DRAXIN: variants seen among roughly 807,000 people sequenced by gnomAD.
DRAXIN encodes the protein dorsal inhibitory axon guidance protein.
Under a neutral mutation model 33.9 loss-of-function variants are expected in DRAXIN, and 27 were observed. The ratio of observed to expected loss-of-function variants is 0.80; its 90% CI spans 0.59 to 1.10. The LOEUF (loss-of-function observed/expected upper bound fraction) is 1.10. Among genes scored for constraint, DRAXIN ranks in the 50% least tolerant of loss-of-function variants. DRAXIN has a pLI of 0.00. For missense variants in DRAXIN, 371 were observed against 460.8 expected (o/e 0.81, Z 1.78); for synonymous variants, 178 against 194.0 (o/e 0.92, Z 0.69).
At position 11,718,927 on chromosome 1, in the gene DRAXIN, G is replaced by A. The variant is rs145931834; in HGVS notation, c.938-657G>A. On this transcript the variant is annotated intron_variant, in intron 6 of 6. Transcript: ENST00000294485. ...TTGTTTGTTTGTTTTCTGAGAGGGA[G>A]TCTAGCTCTGTCGCCCCAGCTGGAG... Among the ~76,000 whole-genome samples, 482 of 152,086 alleles carry A rather than the reference G, an allele frequency of 3.2e-3. 4 individuals are homozygous for A. Among genetic ancestry groups the A allele is most frequent in the African/African-American group, 0.011 (462 of 41,376 alleles).
At chr1:11,695,299 C>T (rs1641173385) in intron 1 of DRAXIN, among the ~76,000 whole-genome samples, 1 of 152,156 alleles carries the variant, frequency 6.6e-6, no homozygotes, top group Non-Finnish European at 1.5e-5. Flanking sequence ...CCACTTCAGG[C>T]CAGGTGCAGT....
chr1:11,715,310 T>C, intron 6 of DRAXIN, 102 bp downstream of exon 6: 2 of 1,413,616 alleles, frequency 1.4e-6, no homozygotes, highest in South Asian at 2.4e-5. Context: ...CAAGCTTTCC[T>C]GGCAGAGGGT....
chr1:11,711,779 G>T, intron 3 of DRAXIN, 72 bp from the exon 4 acceptor site: 2 of 1,425,538 alleles, frequency 1.4e-6, no homozygotes, highest in South Asian at 1.2e-5. Context: ...TTTGTCCTCT[G>T]ACCTTGGGAC....
rs189427193 is a variant in DRAXIN, at chr1:11,704,303, C to A, written c.-10-1946C>A. ...TCGGACATGGACGGGATCCCATATG[C>A]GCTTGGCCTTTCCAGTCACAAGGAG... On this transcript the variant is annotated intron_variant, in intron 1 of 6. Transcript: ENST00000294485. The surrounding 1 kb of genome is among the most constrained non-coding windows in gnomAD (Gnocchi z 4.6). Among the ~76,000 whole-genome samples the A allele has an allele frequency of 6.6e-6, 1 of 152,308 alleles. No homozygotes were observed. Among genetic ancestry groups the A allele is most frequent in the Non-Finnish European group, 1.5e-5 (1 of 68,034 alleles).
intron 1 of DRAXIN, among the ~76,000 whole-genome samples, chr1:11,700,969 T>A (rs1328731885): frequency 6.6e-6 from 1 of 152,066 alleles, no homozygotes; most frequent in Non-Finnish European, 1.5e-5. Flanking sequence ...GGCCCCCAAA[T>A]GCAAGGCTGT....
At chr1:11,702,747 C>CTTTTTTTTTTTTTTTTT (rs33972819) in intron 1 of DRAXIN, among the ~76,000 whole-genome samples, 3 of 145,550 alleles carry the variant, frequency 2.1e-5, no homozygotes. Flanking sequence ...GGTATGAATT[C>CTTTTTTTTTTTTTTTTT]TTTTTTTTTT....
In DRAXIN at chr1:11,720,317, G is replaced by C. The variant is rs1019754481; in HGVS notation, c.*621G>C. The C allele has an allele frequency of 6.6e-6, 1 of 152,574 alleles. No individual in the cohort carries two copies. The highest frequency in any genetic ancestry group is 2.4e-5 in the African/African-American group (1 of 41,444). The allele number at this position is 152,574 out of a possible 1,614,324, so 9.5% of individuals were successfully genotyped here. On this transcript the variant is annotated 3_prime_UTR_variant, in exon 7 of 7. Transcript: ENST00000294485. ...CAGTTAAAAATGTACATCTGGCCGG[G>C]CGCGGCGGCTCACGCTTGTAATCCC...
intron 1 of DRAXIN, among the ~76,000 whole-genome samples, chr1:11,697,079 C>A (rs1446177320): frequency 6.6e-6 from 1 of 151,758 alleles, no homozygotes; most frequent in African/African-American, 2.4e-5. Flanking sequence ...CTCCCCAATC[C>A]TCATGACAGC....
intron 5 of DRAXIN, among the ~76,000 whole-genome samples, chr1:11,712,969 G>A (rs1015759842): frequency 6.6e-6 from 1 of 151,968 alleles, no homozygotes; most frequent in African/African-American, 2.4e-5. Context: ...GGAGGCCGAG[G>A]CAGGCGGATC....
Position 11,723,350 on chromosome 1 carries a change from G to A in DRAXIN, c.*3654G>A, listed in dbSNP as rs1423578021. 4 of 152,132 alleles carry A rather than the reference G, an allele frequency of 2.6e-5. No homozygotes were observed. In the South Asian group the frequency reaches 6.2e-4, roughly 24 times the overall value. 9.4% of individuals were successfully genotyped at this position (152,132 alleles called of 1,614,324 possible). ...ACCCACAAAGCTTCTGTTTTGTTTG[G>A]TCTGGGCTTCATAGTTTTTCTCCCA... On this transcript the variant is annotated 3_prime_UTR_variant, in exon 7 of 7. Coordinates refer to ENST00000294485, the MANE Select transcript of DRAXIN (RefSeq NM_198545.4).
chr1:11,688,582 A>G (rs1289862666), upstream of DRAXIN, among the ~76,000 whole-genome samples: 1 of 151,904 alleles, frequency 6.6e-6, no homozygotes. The surrounding 1 kb of genome is among the most constrained non-coding windows in gnomAD (Gnocchi z 4.6). Context: ...AGAAAAAGCA[A>G]TCAGCAAACC....
intron 3 of DRAXIN, among the ~76,000 whole-genome samples, chr1:11,710,227 C>G (rs1641462173): frequency 6.6e-6 from 1 of 150,790 alleles, no homozygotes; most frequent in African/African-American, 2.4e-5. Context: ...CACGTTGGCT[C>G]AAGCCTGTAA....
Position 11,706,336 on chromosome 1 carries a change from C to T in DRAXIN, c.78C>T (p.Gly26=), listed in dbSNP as rs759298786. 3.1e-6 allele frequency: 5 copies of T among 1,613,690 alleles called. No individual in the cohort carries two copies. In the South Asian group the frequency reaches 3.3e-5, roughly 11 times the overall value. Residue 26 remains glycine (G), a synonymous_variant, in exon 2 of 7, where the codon GGC becomes GGT. Transcript: ENST00000294485. This position sits in a 1 kb window ranked among gnomAD's most constrained non-coding sequence, Gnocchi z 5.5. ...TGCCCCTGGAGCTGAGCCTGGCAGG[C>T]GCCCTTGCACCTGGGACCCCTGCCC... The part of the protein sequence containing the change: ...LLLPLELSLA[G]ALAPGTPARN...
intron 5 of DRAXIN, among the ~76,000 whole-genome samples, chr1:11,714,727 C>G (rs1641548703): frequency 6.6e-6 from 1 of 152,220 alleles, no homozygotes; most frequent in African/African-American, 2.4e-5. Flanking sequence ...ATGGCAGGTG[C>G]CCAGGACTTC....
At chr1:11,691,192 A>T (rs1326944987), upstream of DRAXIN, among the ~76,000 whole-genome samples, 1 of 146,282 alleles carries the variant, frequency 6.8e-6, no homozygotes, top group Non-Finnish European at 1.5e-5. Context: ...CCCTTTTGAC[A>T]GTCTAGGCGG....
In DRAXIN at chr1:11,715,194, G is replaced by A. The variant is rs778060120; in HGVS notation, c.923G>A (p.Cys308Tyr). 11 of 1,614,260 alleles carry A rather than the reference G, an allele frequency of 6.8e-6. No individual in the cohort carries two copies. The highest frequency in any genetic ancestry group is 9.3e-6 in the Non-Finnish European group (11 of 1,180,048). Reference protein sequence around the residue: ...RGLNNKCFDDCMCVEGLRCYA... With the variant: ...RGLNNKCFDDYMCVEGLRCYA... ...CTCAACAACAAATGCTTCGATGACT[G>A]CATGTGTGTGGAAGGTGGGTCCAGA... is the stretch of plus-strand genomic sequence containing the variant. The change falls in exon 6 of 7, where the codon TGC (cysteine) becomes TAC (tyrosine). Residue 308 changes from cysteine (C) to tyrosine (Y), a missense_variant. Physicochemically the swap from Cys to Tyr is radical, Grantham distance 194. Transcript: ENST00000294485.
intron 6 of DRAXIN, among the ~76,000 whole-genome samples, chr1:11,717,426 G>A (rs1641593545): frequency 6.6e-6 from 1 of 151,514 alleles, no homozygotes; most frequent in Non-Finnish European, 1.5e-5. Flanking sequence ...CACTTTGGGA[G>A]GCCAAGGCGG....
chr1:11,717,828 CAAAAAAA>C (rs70983586), intron 6 of DRAXIN, among the ~76,000 whole-genome samples: 1 of 110,018 alleles, frequency 9.1e-6, no homozygotes, highest in East Asian at 2.6e-4. Context: ...ACCAAAAATA[CAAAAAAA>C]AAAAAAAAAA....
rs1249609092 is a variant in DRAXIN at position 11,694,872 on chromosome 1, C to T, written c.-11+3019C>T. On this transcript the variant is annotated intron_variant, in intron 1 of 6. Transcript: ENST00000294485. The surrounding 1 kb of genome is among the most constrained non-coding windows in gnomAD (Gnocchi z 4.9). ...GTTCCAGCTTGACAACGCCCCATGCCCCAACACCATGACCCACCCATGCCC... is the reference window on the plus strand; with the variant it reads ...GTTCCAGCTTGACAACGCCCCATGCTCCAACACCATGACCCACCCATGCCC... Among the ~76,000 whole-genome samples, 5 of 152,144 alleles carry T rather than the reference C, an allele frequency of 3.3e-5. No individual in the cohort carries two copies. The highest frequency in any genetic ancestry group is 4.8e-5 in the African/African-American group (2 of 41,416).
Sources: allele counts gnomAD v4.1 joint callset (sites outside exome capture counted in the v4.1 genomes callset), GRCh38; gene constraint gnomAD v4.1.1; non-coding constraint Gnocchi (gnomAD v3.1); transcripts MANE v1.5; gene names NCBI Gene and HGNC (gene_info 2026-07-23, HGNC 2026-07-21).